The following CDC42BPA variants were observed in gnomAD, a reference collection of about 807,000 sequenced individuals.
CDC42BPA encodes serine/threonine-protein kinase MRCK alpha.
Under a neutral mutation model 223.5 loss-of-function variants are expected in CDC42BPA, and 80 were observed. The observed-to-expected ratio is 0.36, with a 90% confidence interval of 0.30 to 0.43. The LOEUF (loss-of-function observed/expected upper bound fraction) is 0.43, where lower values mean the gene tolerates loss of function less well. Among genes scored for constraint, CDC42BPA ranks in the 20% least tolerant of loss-of-function variants. The pLI is 1.00. For missense variants in CDC42BPA, 1,743 were observed against 2,099.9 expected (o/e 0.83, Z 3.32); for synonymous variants, 694 against 718.6 (o/e 0.97, Z 0.55).
In CDC42BPA at chr1:227,016,973, G is replaced by A. The variant is rs779106707; in HGVS notation, c.4693C>T (p.Arg1565Cys). The A allele has an allele frequency of 1.1e-5, 18 of 1,612,892 alleles. No individual in the cohort carries two copies. Among genetic ancestry groups the A allele is most frequent in the East Asian group, 2.2e-5 (1 of 44,834 alleles). The change falls in exon 33 of 37, where the codon CGT (arginine) becomes TGT (cysteine). Residue 1565 changes from arginine (R) to cysteine (C), a missense_variant. Arg to Cys is a radical substitution (Grantham distance 180). Transcript: ENST00000366766. ...QMVRNINNKRRYSFRVPEEER... is the reference protein window; with the variant it reads ...QMVRNINNKRCYSFRVPEEER... ...TCTTCTGGGACTCTGAAGGAATAAC[G>A]CCGCTTATTGTTAATGTTTCTAACC...
chr1:226,996,138 G>A (rs1191737921), intron 35 of CDC42BPA, among the ~76,000 whole-genome samples: 1 of 152,212 alleles, frequency 6.6e-6, no homozygotes, highest in Non-Finnish European at 1.5e-5. Context: ...TGCAGTCACA[G>A]GCTCGCTGGC....
intron 21 of CDC42BPA, among the ~76,000 whole-genome samples, chr1:227,062,830 T>C (rs1044927365): frequency 5.0e-5 from 7 of 138,648 alleles, no homozygotes; most frequent in African/African-American, 1.8e-4. Context: ...ATGTTTAACA[T>C]AAAAAAAAAA....
chr1:227,121,868 T>C (rs914848457), intron 11 of CDC42BPA, among the ~76,000 whole-genome samples: 2 of 151,138 alleles, frequency 1.3e-5, no homozygotes, highest in Admixed American at 1.3e-4. Context: ...TGGTGTGATA[T>C]CGGCTCACTG....
chr1:227,198,438 C>CAAAAA (rs1176604134), intron 4 of CDC42BPA, among the ~76,000 whole-genome samples: 3,238 of 50,110 alleles, frequency 0.065, 124 homozygotes, highest in South Asian at 0.09. Flanking sequence ...ATCCAGCAAA[C>CAAAAA]AAAAAAAAAA....
intron 10 of CDC42BPA, among the ~76,000 whole-genome samples, chr1:227,133,178 T>G (rs111721606): frequency 0.091 from 12,644 of 139,574 alleles, 1,018 homozygotes; most frequent in Middle Eastern, 0.16. Flanking sequence ...GAGGAACCCC[T>G]CTGCCTGGCC....
Position 227,297,532 on chromosome 1 carries a change from C to T in CDC42BPA, c.178+19473G>A, listed in dbSNP as rs151256945. Among the ~76,000 whole-genome samples, 879 of 152,190 alleles carry T rather than the reference C, an allele frequency of 5.8e-3. 13 individuals carry two copies. Among genetic ancestry groups the T allele is most frequent in the African/African-American group, 0.019 (796 of 41,528 alleles). ...CATAATAACCAAAAGGTGGAAACAA[C>T]GCAAGTATCCATCAACAAATGAACA... is the stretch of plus-strand genomic sequence containing the variant. On this transcript the variant is annotated intron_variant, in intron 1 of 36. Transcript: ENST00000366766.
chr1:227,100,885 G>T, intron 15 of CDC42BPA, 107 bp downstream of exon 15: 3 of 688,594 alleles, frequency 4.4e-6, no homozygotes, highest in South Asian at 2.7e-5. Context: ...CCTGACTTTG[G>T]TCTCCTTTAG....
chr1:227,240,491 G>C (rs1228856566), intron 2 of CDC42BPA, among the ~76,000 whole-genome samples: 1 of 152,014 alleles, frequency 6.6e-6, no homozygotes, highest in African/African-American at 2.4e-5. Flanking sequence ...CATACACTCA[G>C]AGTTCATTAC....
Position 227,129,232 on chromosome 1 carries a change from C to CTT in CDC42BPA, c.1391-3_1391-2dup. The CTT allele has an allele frequency of 4.5e-6, 7 of 1,556,828 alleles. No individual in the cohort carries two copies. Among genetic ancestry groups the CTT allele is most frequent in the Non-Finnish European group, 6.0e-6 (7 of 1,157,172 alleles). On this transcript the variant is annotated splice_acceptor_variant, in intron 10 of 36. Coordinates refer to ENST00000366766, the MANE Select transcript of CDC42BPA (RefSeq NM_001394014.1). LOFTEE classifies it high-confidence loss of function. ...AGAGCTTGGACAGTCTGTGTTGACT[C>CTT]TTTAAAAAAAAGGATAAAAGAAATA... is the stretch of plus-strand genomic sequence containing the variant.
At chr1:227,293,234 A>G (rs1690005097) in intron 1 of CDC42BPA, among the ~76,000 whole-genome samples, 2 of 152,358 alleles carry the variant, frequency 1.3e-5, no homozygotes, top group South Asian at 2.1e-4. Flanking sequence ...AGGAAGATCA[A>G]TAATAATCAA....
At position 227,016,914 on chromosome 1, in the gene CDC42BPA, G is replaced by A; in HGVS notation, c.4739+13C>T. On this transcript the variant is annotated intron_variant, in intron 33 of 36. Transcript: ENST00000366766. ...CAAGCAAGCATGGATGATACTACAG[G>A]TTAAGTATCTACCTCCTCTGCTGCA... 1.2e-6 allele frequency: 2 copies of A among 1,607,882 alleles called. No individual in the cohort carries two copies. Among genetic ancestry groups the A allele is most frequent in the Non-Finnish European group, 1.7e-6 (2 of 1,177,064 alleles).
intron 11 of CDC42BPA, among the ~76,000 whole-genome samples, chr1:227,121,431 T>C (rs1211931730): frequency 1.3e-5 from 2 of 152,234 alleles, no homozygotes; most frequent in South Asian, 2.1e-4. Context: ...TCATGCATTG[T>C]ATAGTTCTAC....
chr1:227,030,559 A>T, intron 28 of CDC42BPA, 89 bp from the exon 29 acceptor site: 1 of 747,298 alleles, frequency 1.3e-6, no homozygotes. Context: ...TTGGTGCAAA[A>T]AATGGAAATA....
intron 4 of CDC42BPA, among the ~76,000 whole-genome samples, chr1:227,196,381 C>T (rs994311333): frequency 4.5e-5 from 5 of 110,922 alleles, no homozygotes; most frequent in African/African-American, 1.5e-4. Flanking sequence ...CCTCTGTTGC[C>T]CAGGCTGGAG....
At chr1:227,303,007 G>GTTT (rs201889285) in intron 1 of CDC42BPA, among the ~76,000 whole-genome samples, 2,577 of 134,952 alleles carry the variant, frequency 0.019, 73 homozygotes, top group African/African-American at 0.061. Flanking sequence ...GTTTTTTTGG[G>GTTT]TTTTTTTTTT....
chr1:227,313,383 T>C (rs577244253), intron 1 of CDC42BPA, among the ~76,000 whole-genome samples: 20 of 152,272 alleles, frequency 1.3e-4, no homozygotes, highest in African/African-American at 4.6e-4. Context: ...GTAATTTCTC[T>C]TAAAAAGAGA....
At chr1:227,077,461 A>G (rs1679732328) in intron 17 of CDC42BPA, among the ~76,000 whole-genome samples, 1 of 152,144 alleles carries the variant, frequency 6.6e-6, no homozygotes, top group Admixed American at 6.5e-5. Context: ...TTCATTACTG[A>G]AACGCTTTGT....
chr1:227,288,983 A>C (rs1689247219), intron 1 of CDC42BPA, among the ~76,000 whole-genome samples: 2 of 151,684 alleles, frequency 1.3e-5, no homozygotes, highest in Non-Finnish European at 2.9e-5. Flanking sequence ...AAAAAGAGCA[A>C]AACTCTTGTT....
chr1:227,132,096 T>C (rs1657228219), intron 10 of CDC42BPA, among the ~76,000 whole-genome samples: 1 of 151,600 alleles, frequency 6.6e-6, no homozygotes, highest in Admixed American at 6.6e-5. Flanking sequence ...TGCTTGTGGT[T>C]CACCAATTAA....
Sources: gnomAD v4.1 joint callset for allele counts (sites outside exome capture counted in the v4.1 genomes callset) on GRCh38, gnomAD v4.1.1 for gene constraint, MANE v1.5 for transcripts, NCBI Gene and HGNC (gene_info 2026-07-23, HGNC 2026-07-21) for gene names.